PKD1L1: variants seen among roughly 807,000 people sequenced by gnomAD.
PKD1L1 encodes polycystin-1-like protein 1.
A neutral mutation model predicts 323.4 loss-of-function variants in PKD1L1; 236 were observed. The observed-to-expected ratio is 0.73, with a 90% CI of 0.66 to 0.81. The LOEUF is 0.81. Among genes scored for constraint, PKD1L1 ranks in the 40% least tolerant of loss-of-function variants. The pLI is 0.00. For synonymous variants in PKD1L1, 1,344 were observed against 1,335.0 expected, an observed-to-expected ratio of 1.01 and a Z score of -0.15; for missense variants, 3,320 against 3,508.0, an observed-to-expected ratio of 0.95 and a Z score of 1.35.
At chr7:47,903,144 A>C (rs1355434283) in intron 12 of PKD1L1, among the ~76,000 whole-genome samples, 1 of 152,190 alleles carries the variant, frequency 6.6e-6, no homozygotes, top group Non-Finnish European at 1.5e-5. Context: ...TATTTTGCAA[A>C]TGTTGCAACA....
intron 13 of PKD1L1, among the ~76,000 whole-genome samples, chr7:47,902,033 G>GGAAAAGAAAA (rs199667705): frequency 7.6e-6 from 1 of 132,442 alleles, no homozygotes; most frequent in African/African-American, 4.0e-5. Context: ...GGAAAGGAAA[G>GGAAAAGAAAA]GAAAAGAAAA....
chr7:47,848,459 G>A (rs1198517874), intron 31 of PKD1L1, among the ~76,000 whole-genome samples: 1 of 152,204 alleles, frequency 6.6e-6, no homozygotes, highest in Admixed American at 6.5e-5. Flanking sequence ...AATAATGTGG[G>A]TATGCATGGG....
intron 30 of PKD1L1, 102 bp from the exon 31 acceptor site, chr7:47,853,329 C>A: frequency 3.6e-6 from 3 of 822,510 alleles, no homozygotes; most frequent in South Asian, 1.5e-5. Context: ...TGCAAAACAT[C>A]CTTGTCACTG....
intron 19 of PKD1L1, 50 bp downstream of exon 19, chr7:47,884,548 G>A (rs1786638865): frequency 2.0e-6 from 3 of 1,524,174 alleles, no homozygotes; most frequent in Non-Finnish European, 2.7e-6. Context: ...CAGAAAGGCT[G>A]TGGAGGAGAG....
chr7:47,897,295 C>A (rs1786977080), intron 14 of PKD1L1, among the ~76,000 whole-genome samples: 1 of 152,292 alleles, frequency 6.6e-6, no homozygotes, highest in South Asian at 2.1e-4. Context: ...AAAGCTCCTT[C>A]GCTGCAGATA....
intron 7 of PKD1L1, among the ~76,000 whole-genome samples, chr7:47,928,906 C>G (rs577480953): frequency 3.1e-4 from 47 of 152,266 alleles, no homozygotes; most frequent in African/African-American, 1.1e-3. Context: ...GATGAAGCGC[C>G]AGTACATTAC....
At chr7:47,925,135 AAAAAG>A (rs1278103124) in intron 7 of PKD1L1, among the ~76,000 whole-genome samples, 1 of 152,048 alleles carries the variant, frequency 6.6e-6, no homozygotes, top group Non-Finnish European at 1.5e-5. Context: ...AAATGGAAAA[AAAAAG>A]GGAAAAAATA....
chr7:47,848,097 T>C (rs1785702070), intron 31 of PKD1L1, among the ~76,000 whole-genome samples: 1 of 152,172 alleles, frequency 6.6e-6, no homozygotes, highest in Admixed American at 6.5e-5. Context: ...TGAAAATACA[T>C]CCTTTTGGCA....
chr7:47,801,450 CT>C (rs1404800684), intron 53 of PKD1L1, among the ~76,000 whole-genome samples: 3 of 152,312 alleles, frequency 2.0e-5, no homozygotes, highest in Middle Eastern at 3.4e-3. Context: ...ACTCCATCTG[CT>C]CCAACCAGCC....
At chr7:47,796,271 G>A in intron 54 of PKD1L1, 121 bp from the exon 55 acceptor site, 5 of 967,926 alleles carry the variant, frequency 5.2e-6, no homozygotes, top group Non-Finnish European at 7.2e-6. Flanking sequence ...CGAGCTTTTG[G>A]TAAAATAGTG....
At chr7:47,890,186 G>A (rs1279532512) in intron 16 of PKD1L1, among the ~76,000 whole-genome samples, 1 of 152,206 alleles carries the variant, frequency 6.6e-6, no homozygotes, top group Admixed American at 6.5e-5. Context: ...CCCCTGGCTG[G>A]GAACTTGATG....
At chr7:47,930,505 GA>G (rs926722659) in intron 6 of PKD1L1, among the ~76,000 whole-genome samples, 129 of 142,960 alleles carry the variant, frequency 9.0e-4, no homozygotes, top group African/African-American at 3.3e-3. Flanking sequence ...ACTCCCTCTC[GA>G]AAAAAAAATA....
chr7:47,890,761 T>A lies in PKD1L1; in HGVS notation c.2456A>T (p.Tyr819Phe). The change falls in exon 16 of 57, where the codon TAT (tyrosine) becomes TTT (phenylalanine). Residue 819 changes from tyrosine to phenylalanine, a missense_variant and splice_region_variant. Tyr to Phe is a conservative substitution (Grantham distance 22, BLOSUM62 3). Coordinates refer to ENST00000289672, the MANE Select transcript of PKD1L1 (RefSeq NM_138295.5). The stretch of plus-strand genomic sequence containing the variant: ...GCCAGCGGTGGCGCATTCCCAGTGA[T>A]ACCTGTTGGAGAAGTCATCGGAGTG... ...DPDDPGATLR[Y>F]HWECATAGSP... 1 of 1,612,056 alleles carries A rather than the reference T, an allele frequency of 6.2e-7. No individual in the cohort carries two copies. The highest frequency in any genetic ancestry group is 8.5e-7 in the Non-Finnish European group (1 of 1,179,896).
At chr7:47,784,252 A>C (rs751390862) in intron 56 of PKD1L1, among the ~76,000 whole-genome samples, 15 of 152,246 alleles carry the variant, frequency 9.9e-5, no homozygotes, top group Non-Finnish European at 1.5e-4. Flanking sequence ...ATTTCTCTTT[A>C]GGTTTTAAGT....
intron 13 of PKD1L1, among the ~76,000 whole-genome samples, chr7:47,898,754 A>G (rs1562979683): frequency 6.6e-6 from 1 of 152,172 alleles, no homozygotes; most frequent in Non-Finnish European, 1.5e-5. Context: ...TCCTACATCA[A>G]CACAACACTA....
intron 14 of PKD1L1, among the ~76,000 whole-genome samples, chr7:47,896,544 G>T (rs552869575): frequency 6.6e-6 from 1 of 151,762 alleles, no homozygotes; most frequent in South Asian, 2.1e-4. Flanking sequence ...TAGTTGTTTG[G>T]GGGGGACTTA....
intron 41 of PKD1L1, among the ~76,000 whole-genome samples, chr7:47,831,618 G>A (rs1785350735): frequency 6.6e-6 from 1 of 152,174 alleles, no homozygotes; most frequent in African/African-American, 2.4e-5. Flanking sequence ...GAACGCACAG[G>A]CTGAGAACAG....
At chr7:47,783,140 T>C (rs1786732808) in intron 56 of PKD1L1, among the ~76,000 whole-genome samples, 1 of 152,204 alleles carries the variant, frequency 6.6e-6, no homozygotes, top group African/African-American at 2.4e-5. Flanking sequence ...CTATATGGTA[T>C]TTTAGGGAAG....
In PKD1L1 at chr7:47,839,315, A is replaced by G. The variant is rs1785519443; in HGVS notation, c.5769+131T>C. ...CATTTAATATTTTGATATCGTGGTAATTAACTAAGAAAAGAGGAATACACT... is the reference window on the plus strand; with the variant it reads ...CATTTAATATTTTGATATCGTGGTAGTTAACTAAGAAAAGAGGAATACACT... On this transcript the variant is annotated intron_variant, in intron 36 of 56. Coordinates refer to ENST00000289672, the MANE Select transcript of PKD1L1 (RefSeq NM_138295.5). The surrounding 1 kb of genome is among the most constrained non-coding windows in gnomAD (Gnocchi z 4.3). 1.5e-6 allele frequency: 1 copy of G among 676,180 alleles called. No homozygotes were observed. Among genetic ancestry groups the G allele is most frequent in the African/African-American group, 1.8e-5 (1 of 55,306 alleles). 41.9% of individuals were successfully genotyped at this position (676,180 alleles called of 1,614,324 possible).
Sources: allele counts gnomAD v4.1 joint callset (sites outside exome capture counted in the v4.1 genomes callset), GRCh38; gene constraint gnomAD v4.1.1; non-coding constraint Gnocchi (gnomAD v3.1); transcripts MANE v1.5; gene names NCBI Gene and HGNC (gene_info 2026-07-23, HGNC 2026-07-21).